WDR90: variants seen among roughly 807,000 people sequenced by gnomAD.
WDR90 encodes WD repeat-containing protein 90.
Under a neutral mutation model 195.2 loss-of-function variants are expected in WDR90, and 238 were observed. The ratio of observed to expected loss-of-function variants is 1.22; its 90% CI spans 1.10 to 1.36. The LOEUF (loss-of-function observed/expected upper bound fraction) is 1.36, where lower values mean the gene tolerates loss of function less well. WDR90 is among the 40% of genes most tolerant of loss of function. The pLI, the probability that WDR90 is intolerant of heterozygous loss-of-function variation, is 0.00. For missense variants in WDR90, 2,734 were observed against 2,439.5 expected (o/e 1.12, Z -2.54); for synonymous variants, 1,265 against 1,052.4 (o/e 1.20, Z -3.91).
Position 660,151 on chromosome 16 carries a change from A to G in WDR90, c.3278A>G (p.His1093Arg), listed in dbSNP as rs1343698278. ...FTPARVSCSP[H>R]SAKGTCPPPA... is the part of the protein sequence containing the mutation. ...CCTGCCAGGGTCAGCTGCAGCCCCC[A>G]CTCTGCCAAGGTGGGGAGTGGTTTC... is the stretch of plus-strand genomic sequence containing the variant. The change falls in exon 27 of 41, where the codon CAC (histidine) becomes CGC (arginine). Residue 1093 changes from histidine to arginine, a missense_variant. Physicochemically the swap from His to Arg is conservative, Grantham distance 29. Coordinates refer to ENST00000293879, the MANE Select transcript of WDR90 (RefSeq NM_145294.5). 2.6e-6 allele frequency: 4 copies of G among 1,531,924 alleles called. No homozygotes were observed. The African/African-American group carries it at 4.1e-5, about 16-fold the overall frequency. The allele number at this position is 1,531,924 out of a possible 1,614,324, so 94.9% of individuals were successfully genotyped here. A position where few individuals can be genotyped will look rare whatever the true frequency, so the allele number is the denominator to read the frequency against.
rs1555462791 is a variant in WDR90 at position 661,009 on chromosome 16, C to CAGG, written c.3392-42_3392-41insAGG. 4.2e-4 allele frequency: 56 copies of CAGG among 132,746 alleles called. 15 individuals carry two copies. The highest frequency in any genetic ancestry group is 3.5e-3 in the African/African-American group (46 of 12,990). The allele number at this position is 132,746 out of a possible 1,614,324, so 8.2% of individuals were successfully genotyped here. A position where few individuals can be genotyped will look rare whatever the true frequency, so the allele number is the denominator to read the frequency against. On this transcript the variant is annotated intron_variant, in intron 28 of 40. Transcript: ENST00000293879. ...CCCCAGGCCCCTCCCCGCCCCCCCC[C>CAGG]CCCCCCGGCCCGGCCTCAGGCCCCG...
intron 33 of WDR90, 108 bp downstream of exon 33, chr16:662,439 C>T (rs1016586330): frequency 1.2e-5 from 17 of 1,371,520 alleles, no homozygotes; most frequent in African/African-American, 8.6e-5. Flanking sequence ...GCAGACCGGC[C>T]GCCTGCTAGC....
chr16:660,255 C>T (rs3752496), intron 27 of WDR90, 94 bp downstream of exon 27: 200,065 of 1,191,676 alleles, frequency 0.17, 23,833 homozygotes, highest in African/African-American at 0.59. Context: ...TGCTTTTGGT[C>T]GCCAAAGGTG....
At position 650,524 on chromosome 16, in the gene WDR90, G is replaced by A. The variant is rs1222316042; in HGVS notation, c.389-15G>A. On this transcript the variant is annotated splice_polypyrimidine_tract_variant and intron_variant, in intron 4 of 40. Coordinates refer to ENST00000293879, the MANE Select transcript of WDR90 (RefSeq NM_145294.5). ...TCAGGAGGGTGGGCGCTGACCCTGA[G>A]TGCCCATCCTGCAGATCTGGTGGGT... 1 of 1,594,810 alleles carries A rather than the reference G, an allele frequency of 6.3e-7. No individual in the cohort carries two copies. The highest frequency in any genetic ancestry group is 8.6e-7 in the Non-Finnish European group (1 of 1,166,120).
chr16:655,536 C>G, intron 15 of WDR90, 37 bp from the exon 16 acceptor site: 1 of 1,553,996 alleles, frequency 6.4e-7, no homozygotes, highest in Non-Finnish European at 8.7e-7. Flanking sequence ...CTCCCCTTCC[C>G]TGAGGGCCTC....
intron 28 of WDR90, 40 bp from the exon 29 acceptor site, chr16:661,011 C>CCCG: frequency 6.4e-6 from 1 of 157,250 alleles, no homozygotes; most frequent in Non-Finnish European, 8.5e-6. Context: ...CCCCCCCCCC[C>CCCG]CCCCGGCCCG....
rs1567217777 is a variant in WDR90, at chr16:657,157, C to T, written c.2409C>T (p.Cys803=). 6.4e-7 allele frequency: 1 copy of T among 1,562,904 alleles called. No homozygotes were observed. ...ACGGCCGCCTGCTCTTCAGCTCCTGCTCCCAGGGCTCCCTGGCCCAGTACA... is the reference window on the plus strand; with the variant it reads ...ACGGCCGCCTGCTCTTCAGCTCCTGTTCCCAGGGCTCCCTGGCCCAGTACA... ...TPDGRLLFSS[C]SQGSLAQYSC... Residue 803 remains cysteine (C), a synonymous_variant, in exon 20 of 41, where the codon TGC becomes TGT. Coordinates refer to ENST00000293879, the MANE Select transcript of WDR90 (RefSeq NM_145294.5).
intron 10 of WDR90, among the ~76,000 whole-genome samples, chr16:653,131 T>C (rs1172205716): frequency 1.3e-5 from 2 of 152,154 alleles, no homozygotes; most frequent in Non-Finnish European, 2.9e-5. Context: ...TTCCAGCTGT[T>C]CTTTTGACAC....
In WDR90 at chr16:649,833, G is replaced by A; in HGVS notation, c.81G>A (p.Gln27=). The change falls in exon 2 of 41, where the codon CAG becomes CAA. Residue 27 remains glutamine (Q), a synonymous_variant. Transcript: ENST00000293879. ...RVDEWKRSAK[Q]GDVAVVTDKT... is the part of the protein sequence containing the mutation. ...ACGAGTGGAAGCGCTCCGCCAAGCA[G>A]GGGGACGTGGCCGTGGTCACGGTAG... 6.3e-7 allele frequency: 1 copy of A among 1,582,662 alleles called. No individual in the cohort carries two copies. The highest frequency in any genetic ancestry group is 1.1e-5 in the South Asian group (1 of 87,900).
chr16:661,269 G>A lies in WDR90; in HGVS notation c.3514-73G>A. The A allele has an allele frequency of 2.0e-6, 3 of 1,533,268 alleles. No individual in the cohort carries two copies. In the South Asian group the frequency reaches 3.7e-5, roughly 19 times the overall value. The allele number at this position is 1,533,268 out of a possible 1,614,324, so 95.0% of individuals were successfully genotyped here. A position where few individuals can be genotyped will look rare whatever the true frequency, so the allele number is the denominator to read the frequency against. ...GCGGGTTCTCACCACCAAAGACGGA[G>A]CAGACGGCCACCCCAGCCTCCACTC... On this transcript the variant is annotated intron_variant, in intron 29 of 40. Coordinates refer to ENST00000293879, the MANE Select transcript of WDR90 (RefSeq NM_145294.5).
At chr16:667,407 G>T (rs1420453372) in intron 40 of WDR90, 25 bp from the exon 41 acceptor site, 1 of 1,576,198 alleles carries the variant, frequency 6.3e-7, no homozygotes, top group Non-Finnish European at 8.6e-7. Context: ...CCTGGCCCTG[G>T]CCCACCTGCA....
At chr16:660,990 G>GGCCC in intron 28 of WDR90, 61 bp from the exon 29 acceptor site, 1 of 21,752 alleles carries the variant, frequency 4.6e-5, no homozygotes, top group South Asian at 6.6e-4. Context: ...CCCTCCCCAG[G>GGCCC]CCCCTCCCCG....
Position 659,508 on chromosome 16 carries a change from A to G in WDR90, c.3184+132A>G, listed in dbSNP as rs530162670. ...CATCGCTGCTCATCAGGTGGAACAC[A>G]GTGGGGTCGGGGTGGGGGCAGCTTT... is the stretch of plus-strand genomic sequence containing the variant. On this transcript the variant is annotated intron_variant, in intron 26 of 40. Coordinates refer to ENST00000293879, the MANE Select transcript of WDR90 (RefSeq NM_145294.5). 10 of 1,043,268 alleles carry G rather than the reference A, an allele frequency of 9.6e-6. No individual in the cohort carries two copies. The East Asian group carries it at 1.6e-4, about 17-fold the overall frequency. 64.6% of individuals were successfully genotyped at this position (1,043,268 alleles called of 1,614,324 possible). A position where few individuals can be genotyped will look rare whatever the true frequency, so the allele number is the denominator to read the frequency against.
rs2037845430 is a variant in WDR90, at chr16:659,495, T to C, written c.3184+119T>C. The C allele has an allele frequency of 2.9e-6, 4 of 1,372,148 alleles. No individual in the cohort carries two copies. In the East Asian group the frequency reaches 1.0e-4, roughly 34 times the overall value. 85.0% of individuals were successfully genotyped at this position (1,372,148 alleles called of 1,614,324 possible). On this transcript the variant is annotated intron_variant, in intron 26 of 40. Transcript: ENST00000293879. ...GGGGTGCAGGTGCCATCGCTGCTCATCAGGTGGAACACAGTGGGGTCGGGG... is the reference window on the plus strand; with the variant it reads ...GGGGTGCAGGTGCCATCGCTGCTCACCAGGTGGAACACAGTGGGGTCGGGG...
Position 661,740 on chromosome 16 carries a change from G to A in WDR90, c.3817G>A (p.Val1273Ile). ...GCTCACCTGTGTGGGCCAGGGCACT[G>A]TCACCTTCTGGCTCCTTCAGCAGCG... Reference protein sequence around the residue: ...GELTCVGQGTVTFWLLQQRGA... With the variant: ...GELTCVGQGTITFWLLQQRGA... Residue 1273 changes from valine (V) to isoleucine (I), a missense_variant, in exon 31 of 41, where the codon GTC becomes ATC. Coordinates refer to ENST00000293879, the MANE Select transcript of WDR90 (RefSeq NM_145294.5). 1 of 1,611,206 alleles carries A rather than the reference G, an allele frequency of 6.2e-7. No individual in the cohort carries two copies. Among genetic ancestry groups the A allele is most frequent in the East Asian group, 2.2e-5 (1 of 44,844 alleles).
At position 666,208 on chromosome 16, in the gene WDR90, G is replaced by T; in HGVS notation, c.4610-12G>T. 1.2e-6 allele frequency: 2 copies of T among 1,609,326 alleles called. No individual in the cohort carries two copies. Among genetic ancestry groups the T allele is most frequent in the South Asian group, 2.2e-5 (2 of 91,060 alleles). Reference sequence around the variant, plus strand: ...CGGGCTGGGGGCTCACAGGGTGACGGCATGGTCCCAGGTCAGACTGTCCTC... The same window carrying T: ...CGGGCTGGGGGCTCACAGGGTGACGTCATGGTCCCAGGTCAGACTGTCCTC... On this transcript the variant is annotated splice_polypyrimidine_tract_variant and intron_variant, in intron 36 of 40. Coordinates refer to ENST00000293879, the MANE Select transcript of WDR90 (RefSeq NM_145294.5).
Position 653,627 on chromosome 16 carries a change from T to A in WDR90, c.1336T>A (p.Leu446Met). 1 of 1,613,542 alleles carries A rather than the reference T, an allele frequency of 6.2e-7. No individual in the cohort carries two copies. The highest frequency in any genetic ancestry group is 8.5e-7 in the Non-Finnish European group (1 of 1,179,998). ...CTGGGACTTCCAGACCGGGCGGTGC[T>A]TGTGCCTGTTCCGGAGCCCAATGCA... The part of the protein sequence containing the change: ...RLWDFQTGRC[L>M]CLFRSPMHVV... The change falls in exon 12 of 41, where the codon TTG (leucine) becomes ATG (methionine). Residue 446 changes from leucine to methionine, a missense_variant. By Grantham distance (15) the Leu-to-Met change is conservative (BLOSUM62 2). Transcript: ENST00000293879.
chr16:656,939 G>T (rs780772759), intron 19 of WDR90, 68 bp downstream of exon 19: 114 of 1,573,294 alleles, frequency 7.2e-5, no homozygotes, highest in Non-Finnish European at 9.5e-5. Flanking sequence ...CCAGGTGGGG[G>T]TCATGTGCAG....
In WDR90 at chr16:665,704, G is replaced by T; in HGVS notation, c.4337G>T (p.Gly1446Val). 1.2e-6 allele frequency: 2 copies of T among 1,612,680 alleles called. No individual in the cohort carries two copies. The highest frequency in any genetic ancestry group is 1.1e-5 in the South Asian group (1 of 91,082). Residue 1446 changes from glycine (G) to valine (V), a missense_variant, in exon 35 of 41, where the codon GGG (glycine) becomes GTG (valine). Coordinates refer to ENST00000293879, the MANE Select transcript of WDR90 (RefSeq NM_145294.5). ...GTGAACGAGGTGGTCTTCAGCCCCGGGGAGTCCCACTGCGCCACATGCAGT... is the reference window on the plus strand; with the variant it reads ...GTGAACGAGGTGGTCTTCAGCCCCGTGGAGTCCCACTGCGCCACATGCAGT... Reference protein sequence around the residue: ...SKVNEVVFSPGESHCATCSED... With the variant: ...SKVNEVVFSPVESHCATCSED...
Sources: gnomAD v4.1 joint callset for allele counts (sites outside exome capture counted in the v4.1 genomes callset) on GRCh38, gnomAD v4.1.1 for gene constraint, MANE v1.5 for transcripts, NCBI Gene and HGNC (gene_info 2026-07-23, HGNC 2026-07-21) for gene names.